PPP1R13B: variants seen among roughly 807,000 people sequenced by gnomAD.
PPP1R13B encodes protein phosphatase 1 regulatory subunit 13B.
A neutral mutation model predicts 119.8 loss-of-function variants in PPP1R13B; 44 were observed. The ratio of observed to expected loss-of-function variants is 0.37; its 90% CI spans 0.29 to 0.47. The LOEUF (loss-of-function observed/expected upper bound fraction) is 0.47, where lower values mean the gene tolerates loss of function less well. PPP1R13B is among the 20% of genes least tolerant of loss of function. The pLI is 0.99. For missense variants in PPP1R13B, 1,227 were observed against 1,413.5 expected (o/e 0.87, Z 2.12); for synonymous variants, 542 against 561.5 (o/e 0.97, Z 0.49).
Position 103,736,210 on chromosome 14 carries a change from C to A in PPP1R13B, c.3032-8G>T. The A allele has an allele frequency of 6.2e-7, 1 of 1,612,588 alleles. No individual in the cohort carries two copies. Among genetic ancestry groups the A allele is most frequent in the Non-Finnish European group, 8.5e-7 (1 of 1,179,708 alleles). ...CCAGCTTTTCCTGCACCCCTGGAGC[C>A]AGAGAGCAATGGTCAGGCCTCAGCA... On this transcript the variant is annotated splice_region_variant and splice_polypyrimidine_tract_variant and intron_variant, in intron 15 of 16. Transcript: ENST00000202556.
intron 1 of PPP1R13B, among the ~76,000 whole-genome samples, chr14:103,806,780 T>C (rs1300411607): frequency 1.3e-5 from 2 of 152,064 alleles, no homozygotes; most frequent in Admixed American, 1.3e-4. Context: ...CTCAACTCCC[T>C]TCTCTCTCAT....
chr14:103,766,095 A>G (rs1430840028), intron 4 of PPP1R13B, among the ~76,000 whole-genome samples: 1 of 151,006 alleles, frequency 6.6e-6, no homozygotes, highest in East Asian at 1.9e-4. Flanking sequence ...TGCAACCTCC[A>G]CCTCCTGGGT....
At chr14:103,739,096 G>A (rs746673530) in intron 12 of PPP1R13B, 73 bp from the exon 13 acceptor site, 22 of 1,543,824 alleles carry the variant, frequency 1.4e-5, no homozygotes, top group Non-Finnish European at 1.7e-5. Flanking sequence ...CTGCTGGGAA[G>A]GAGTGGTGGG....
At chr14:103,815,012 T>G (rs1243291155) in intron 1 of PPP1R13B, among the ~76,000 whole-genome samples, 1 of 152,156 alleles carries the variant, frequency 6.6e-6, no homozygotes, top group Non-Finnish European at 1.5e-5. Flanking sequence ...ATTTATGGTA[T>G]TATTCATAAT....
rs555642140 is a variant in PPP1R13B at position 103,768,303 on chromosome 14, T to C, written c.354+10442A>G. Among the ~76,000 whole-genome samples the C allele has an allele frequency of 5.7e-4, 86 of 151,412 alleles. No homozygotes were observed. The Middle Eastern group carries it at 0.01, about 18-fold the overall frequency. On this transcript the variant is annotated intron_variant, in intron 4 of 16. Transcript: ENST00000202556. ...GCTAATTTTTGTATTTTTATTATTATTATTATTTTTTGAGATGGAGTCTTG... is the reference window on the plus strand; with the variant it reads ...GCTAATTTTTGTATTTTTATTATTACTATTATTTTTTGAGATGGAGTCTTG...
At chr14:103,812,127 GTTT>G (rs754523884) in intron 1 of PPP1R13B, among the ~76,000 whole-genome samples, 24 of 121,316 alleles carry the variant, frequency 2.0e-4, no homozygotes, top group African/African-American at 8.0e-4. Context: ...TCTGTGTGTG[GTTT>G]TTTTTTTTTT....
At chr14:103,821,673 C>T (rs1159495921) in intron 1 of PPP1R13B, among the ~76,000 whole-genome samples, 1 of 152,040 alleles carries the variant, frequency 6.6e-6, no homozygotes, top group East Asian at 1.9e-4. Context: ...ATTGCTTGAA[C>T]CCGGGAGGCA....
chr14:103,817,482 AAT>A (rs1301537251), intron 1 of PPP1R13B, among the ~76,000 whole-genome samples: 3 of 152,226 alleles, frequency 2.0e-5, no homozygotes, highest in African/African-American at 4.8e-5. Context: ...AAGGTTTAAA[AAT>A]ATGTTTTCAC....
At position 103,740,091 on chromosome 14, in the gene PPP1R13B, G is replaced by A; in HGVS notation, c.2325C>T (p.Ala775=). The change falls in exon 12 of 17, where the codon GCC becomes GCT. Residue 775 remains alanine, a synonymous_variant. Transcript: ENST00000202556. This position sits in a 1 kb window ranked among gnomAD's most constrained non-coding sequence, Gnocchi z 4.6. ...CAGCGGGGAGTGGGGCTGTGGGCTG[G>A]GCAGGGGGGAGCTCTTCCAGGTTTC... ...ANGNLEELPP[A]QPTAPLPAEP... is the part of the protein sequence containing the mutation. The A allele has an allele frequency of 6.2e-7, 1 of 1,613,918 alleles. No homozygotes were observed. The highest frequency in any genetic ancestry group is 1.3e-5 in the African/African-American group (1 of 75,052).
At chr14:103,747,209 A>G (rs921759734) in intron 8 of PPP1R13B, 2 of 152,266 alleles carry the variant, frequency 1.3e-5, no homozygotes, top group African/African-American at 2.4e-5. Context: ...CAAGATTTCA[A>G]TATAGGCTCT....
At chr14:103,739,373 T>C in intron 12 of PPP1R13B, 1 of 319,740 alleles carries the variant, frequency 3.1e-6, no homozygotes, top group Non-Finnish European at 5.8e-6. Context: ...CCTGCCCACA[T>C]GCGACAGGGT....
chr14:103,831,898 T>C lies in PPP1R13B; in HGVS notation c.9+15401A>G, dbSNP rs182027177. On this transcript the variant is annotated intron_variant, in intron 1 of 16. Transcript: ENST00000202556. ...TTGCAGTGAGCCGAGACCATGCCACTGTACTCCAGCCTGGGTGACAGAGCA... is the reference window on the plus strand; with the variant it reads ...TTGCAGTGAGCCGAGACCATGCCACCGTACTCCAGCCTGGGTGACAGAGCA... 8.6e-4 allele frequency among the ~76,000 whole-genome samples: 131 copies of C among 151,914 alleles called. 2 individuals carry two copies. The East Asian group carries it at 0.02, about 23-fold the overall frequency.
intron 4 of PPP1R13B, among the ~76,000 whole-genome samples, chr14:103,776,190 A>AGGGAGGGAGGGAGGGAGGGAGGTAGGG (rs1567114276): frequency 2.1e-5 from 1 of 48,520 alleles, no homozygotes; most frequent in African/African-American, 1.5e-4. Flanking sequence ...GGGAGGGAGG[A>AGGGAGGGAGGGAGGGAGGGAGGTAGGG]AGGAAGGAAG....
chr14:103,765,591 C>A (rs929180993), intron 4 of PPP1R13B, among the ~76,000 whole-genome samples: 1 of 152,188 alleles, frequency 6.6e-6, no homozygotes, highest in Non-Finnish European at 1.5e-5. Flanking sequence ...TCTTCATGAC[C>A]TCCCACATCT....
At chr14:103,745,808 TGTTTTG>T (rs1197512884) in intron 9 of PPP1R13B, among the ~76,000 whole-genome samples, 1 of 152,176 alleles carries the variant, frequency 6.6e-6, no homozygotes, top group East Asian at 1.9e-4. Flanking sequence ...TTTTTTGTTT[TGTTTTG>T]TTTTGTTTTT....
At chr14:103,736,224 C>G in intron 15 of PPP1R13B, 22 bp from the exon 16 acceptor site, 2 of 1,606,188 alleles carry the variant, frequency 1.2e-6, no homozygotes, top group Non-Finnish European at 1.7e-6. Flanking sequence ...GAGCAATGGT[C>G]AGGCCTCAGC....
intron 1 of PPP1R13B, among the ~76,000 whole-genome samples, chr14:103,801,054 T>C (rs2085888944): frequency 6.6e-6 from 1 of 152,182 alleles, no homozygotes; most frequent in South Asian, 2.1e-4. Flanking sequence ...TTCTCCACAT[T>C]GATCAGGCTG....
chr14:103,780,647 T>C (rs998243589), intron 3 of PPP1R13B, among the ~76,000 whole-genome samples: 1 of 151,306 alleles, frequency 6.6e-6, no homozygotes, highest in African/African-American at 2.4e-5. Flanking sequence ...ACCCCATCTC[T>C]ACTAAAAATA....
intron 4 of PPP1R13B, chr14:103,759,393 A>AGTG (rs1367862596): frequency 6.7e-6 from 1 of 149,892 alleles, no homozygotes; most frequent in African/African-American, 2.5e-5. Flanking sequence ...GCTGGGGTAC[A>AGTG]GTGGTGCAAT....
Sources: gnomAD v4.1 joint callset for allele counts (sites outside exome capture counted in the v4.1 genomes callset) on GRCh38, gnomAD v4.1.1 for gene constraint, Gnocchi (gnomAD v3.1) non-coding constraint, MANE v1.5 for transcripts, NCBI Gene and HGNC (gene_info 2026-07-23, HGNC 2026-07-21) for gene names.